Variants in EIPR1 observed in about 807,000 individuals in gnomAD.
The protein encoded by EIPR1 is EARP complex and GARP complex interacting protein 1, also known as EARP and GARP complex-interacting protein 1.
A neutral mutation model predicts 48.1 loss-of-function variants in EIPR1; 25 were observed. The observed-to-expected ratio is 0.52, with a 90% confidence interval of 0.38 to 0.73. The LOEUF (loss-of-function observed/expected upper bound fraction) is 0.73. Among genes scored for constraint, EIPR1 ranks in the 30% least tolerant of loss-of-function variants. The pLI, the probability that EIPR1 is intolerant of heterozygous loss-of-function variation, is 0.00. For synonymous variants in EIPR1, 204 were observed against 201.9 expected, an observed-to-expected ratio of 1.01 and a Z score of -0.09; for missense variants, 415 against 506.2, an observed-to-expected ratio of 0.82 and a Z score of 1.73.
At chr2:3,255,756 C>T (rs1221411787) in intron 4 of EIPR1, among the ~76,000 whole-genome samples, 1 of 152,212 alleles carries the variant, frequency 6.6e-6, no homozygotes, top group Non-Finnish European at 1.5e-5. Context: ...CGCAGAGTCT[C>T]ACTCATCTGC....
At chr2:3,202,861 A>G (rs1446175496) in intron 5 of EIPR1, among the ~76,000 whole-genome samples, 1 of 152,252 alleles carries the variant, frequency 6.6e-6, no homozygotes, top group Non-Finnish European at 1.5e-5. Context: ...TAAGTTAATT[A>G]ATTAAGCCAT....
At chr2:3,353,011 C>G (rs1670624985) in intron 2 of EIPR1, among the ~76,000 whole-genome samples, 1 of 152,110 alleles carries the variant, frequency 6.6e-6, no homozygotes, top group South Asian at 2.1e-4. Context: ...AAACAAAAAC[C>G]AGAAGAAGGG....
At chr2:3,244,219 T>A (rs1473261798) in intron 4 of EIPR1, among the ~76,000 whole-genome samples, 1 of 152,184 alleles carries the variant, frequency 6.6e-6, no homozygotes. Flanking sequence ...CATTTCTAGG[T>A]AAAATGTGCT....
At chr2:3,318,700 C>G (rs1669393921) in intron 3 of EIPR1, among the ~76,000 whole-genome samples, 1 of 152,192 alleles carries the variant, frequency 6.6e-6, no homozygotes, top group African/African-American at 2.4e-5. Context: ...TCTCATTCTG[C>G]AATGCTCAGC....
At position 3,269,328 on chromosome 2, in the gene EIPR1, A is replaced by G. The variant is rs1398875064; in HGVS notation, c.260-11873T>C. On this transcript the variant is annotated intron_variant, in intron 3 of 8. Transcript: ENST00000382125. ...TCATCGCACTCAGTCATCGCACTCAATCATCATCACACTCAGTCATCGCAC... is the reference window on the plus strand; with the variant it reads ...TCATCGCACTCAGTCATCGCACTCAGTCATCATCACACTCAGTCATCGCAC... Among the ~76,000 whole-genome samples, 119 of 88,748 alleles carry G rather than the reference A, an allele frequency of 1.3e-3. 10 individuals carry two copies. Among genetic ancestry groups the G allele is most frequent in the Non-Finnish European group, 1.8e-3 (83 of 46,558 alleles). 58.2% of individuals were successfully genotyped at this position (88,748 alleles called of 152,430 possible).
intron 4 of EIPR1, among the ~76,000 whole-genome samples, chr2:3,220,580 T>C (rs1343197244): frequency 6.6e-6 from 1 of 151,488 alleles, no homozygotes; most frequent in Non-Finnish European, 1.5e-5. Flanking sequence ...TGAGGACACA[T>C]GCACACAATG....
At chr2:3,356,177 C>T (rs533898548) in intron 1 of EIPR1, among the ~76,000 whole-genome samples, 2 of 152,336 alleles carry the variant, frequency 1.3e-5, no homozygotes, top group African/African-American at 2.4e-5. Context: ...TACCACCCAA[C>T]CCCTACCCCC....
At chr2:3,266,046 G>C (rs1667476288) in intron 3 of EIPR1, among the ~76,000 whole-genome samples, 1 of 152,236 alleles carries the variant, frequency 6.6e-6, no homozygotes, top group African/African-American at 2.4e-5. Context: ...AAAATGAAGG[G>C]AGGGAGGCAT....
rs184101489 is a variant in EIPR1 at position 3,248,466 on chromosome 2, C to T, written c.416+8833G>A. On this transcript the variant is annotated intron_variant, in intron 4 of 8. Coordinates refer to ENST00000382125, the MANE Select transcript of EIPR1 (RefSeq NM_003310.5). ...AAAATTAGCCAGGCGTGGTGGTGGG[C>T]GCCTGTAATCCCAGCTACCCAGGAG... Among the ~76,000 whole-genome samples the T allele has an allele frequency of 7.6e-3, 1,158 of 152,286 alleles. 7 individuals carry two copies. The highest frequency in any genetic ancestry group is 0.02 in the Middle Eastern group (6 of 294).
chr2:3,369,665 T>TG (rs1671062588), intron 1 of EIPR1, among the ~76,000 whole-genome samples: 2 of 152,244 alleles, frequency 1.3e-5, no homozygotes, highest in South Asian at 4.1e-4. Flanking sequence ...AACTGCAAGG[T>TG]GGCAGCGAGG....
intron 2 of EIPR1, among the ~76,000 whole-genome samples, chr2:3,339,696 T>C (rs956686882): frequency 2.0e-5 from 3 of 152,040 alleles, no homozygotes; most frequent in South Asian, 2.1e-4. Flanking sequence ...CGCCTGTAAT[T>C]GTAGCACTTT....
chr2:3,345,450 C>T (rs1291311646), intron 2 of EIPR1, among the ~76,000 whole-genome samples: 2 of 148,534 alleles, frequency 1.3e-5, no homozygotes, highest in African/African-American at 2.4e-5. Context: ...CACGGTGAAA[C>T]CCCGTCTCTA....
chr2:3,322,529 G>T (rs1222952494), intron 3 of EIPR1, among the ~76,000 whole-genome samples: 1 of 152,218 alleles, frequency 6.6e-6, no homozygotes, highest in Non-Finnish European at 1.5e-5. Flanking sequence ...TTACAGGACT[G>T]ATTTTTGGCA....
intron 4 of EIPR1, among the ~76,000 whole-genome samples, chr2:3,232,349 G>A (rs1411896103): frequency 6.6e-6 from 1 of 151,650 alleles, no homozygotes; most frequent in Non-Finnish European, 1.5e-5. Flanking sequence ...GCTAACTTTG[G>A]GCCTAGTTTG....
intron 4 of EIPR1, among the ~76,000 whole-genome samples, chr2:3,244,062 G>T (rs1453033096): frequency 6.6e-6 from 1 of 152,244 alleles, no homozygotes; most frequent in Non-Finnish European, 1.5e-5. Flanking sequence ...GCCCACAGGG[G>T]CTCCCTCACT....
intron 4 of EIPR1, among the ~76,000 whole-genome samples, chr2:3,240,676 TGAGCAGGTCCC>T (rs1666584128): frequency 1.5e-4 from 1 of 6,776 alleles, no homozygotes; most frequent in Non-Finnish European, 3.7e-4. Context: ...TCAAGAACAG[TGAGCAGGTCCC>T]TCCTAAAGCA....
intron 4 of EIPR1, among the ~76,000 whole-genome samples, chr2:3,225,102 C>T (rs949310226): frequency 6.6e-6 from 1 of 152,176 alleles, no homozygotes; most frequent in Non-Finnish European, 1.5e-5. Flanking sequence ...TCTATAGGTC[C>T]AATCAAAACA....
At position 3,373,094 on chromosome 2, in the gene EIPR1, G is replaced by A. The variant is rs370771869; in HGVS notation, c.42+4554C>T. Among the ~76,000 whole-genome samples the A allele has an allele frequency of 1.7e-4, 26 of 152,168 alleles. No individual in the cohort carries two copies. In the East Asian group the frequency reaches 1.7e-3, roughly 10 times the overall value. ...GTTCAATCTACGCAAATCAATAAAT[G>A]TAATCCAGCATATAAACAGAACCAA... On this transcript the variant is annotated intron_variant, in intron 1 of 8. Transcript: ENST00000382125.
chr2:3,221,757 C>T (rs56802740), intron 4 of EIPR1, among the ~76,000 whole-genome samples: 1,110 of 79,804 alleles, frequency 0.014, 98 homozygotes, highest in African/African-American at 0.047. Context: ...CACAGTGAGT[C>T]GGGAACACAT....
Sources: gnomAD v4.1 joint callset for allele counts (sites outside exome capture counted in the v4.1 genomes callset) on GRCh38, gnomAD v4.1.1 for gene constraint, MANE v1.5 for transcripts, NCBI Gene and HGNC (gene_info 2026-07-23, HGNC 2026-07-21) for gene names.